Variants in HIVEP1 observed in about 807,000 individuals in gnomAD.
The protein encoded by HIVEP1 is zinc finger protein 40.
Under a neutral mutation model 180.0 loss-of-function variants are expected in HIVEP1, and 36 were observed. The observed-to-expected ratio is 0.20, with a 90% CI of 0.15 to 0.26. HIVEP1 has a LOEUF of 0.26. Among genes scored for constraint, HIVEP1 ranks in the 10% least tolerant of loss-of-function variants. The pLI is 1.00. For missense variants in HIVEP1, 3,143 were observed against 3,268.7 expected, an observed-to-expected ratio of 0.96 and a Z score of 0.94; for synonymous variants, 1,239 against 1,239.0, an observed-to-expected ratio of 1.00 and a Z score of 0.00.
At chr6:12,200,396 A>G in the HIVEP1 span, among the ~76,000 whole-genome samples, 1 of 152,250 alleles carries the variant, frequency 6.6e-6, no homozygotes, top group South Asian at 2.1e-4. Flanking sequence ...CCTGCTCTGC[A>G]GGCGCAGTTA....
In HIVEP1 at chr6:12,164,115, C is replaced by A; in HGVS notation, c.7811C>A (p.Pro2604His). The A allele has an allele frequency of 6.2e-7, 1 of 1,614,180 alleles. No individual in the cohort carries two copies. The highest frequency in any genetic ancestry group is 8.5e-7 in the Non-Finnish European group (1 of 1,180,028). ...VSRTESPQGL[P>H]TVQRENAKKV... ...AGGACCGAGTCTCCTCAGGGGTTACCTACAGTCCAGCGGGAAAATGCAAAA... is the reference window on the plus strand; with the variant it reads ...AGGACCGAGTCTCCTCAGGGGTTACATACAGTCCAGCGGGAAAATGCAAAA... The change falls in exon 9 of 9, where the codon CCT becomes CAT. Residue 2604 changes from proline to histidine, a missense_variant. Physicochemically the swap from Pro to His is moderately conservative, Grantham distance 77 (BLOSUM62 -2). Coordinates refer to ENST00000379388, the MANE Select transcript of HIVEP1 (RefSeq NM_002114.4).
intron 3 of HIVEP1, among the ~76,000 whole-genome samples, chr6:12,094,376 C>T (rs183167303): frequency 6.6e-6 from 1 of 151,988 alleles, no homozygotes; most frequent in African/African-American, 2.4e-5. Context: ...AAATTGGTAT[C>T]TTAGACTTGC....
the HIVEP1 span, among the ~76,000 whole-genome samples, chr6:12,181,975 T>C: frequency 6.6e-6 from 1 of 152,230 alleles, no homozygotes; most frequent in African/African-American, 2.4e-5. Context: ...ATATGGAAAC[T>C]ATGGAATACC....
At chr6:12,143,386 C>G (rs897270746) in intron 7 of HIVEP1, among the ~76,000 whole-genome samples, 12 of 152,124 alleles carry the variant, frequency 7.9e-5, no homozygotes, top group Non-Finnish European at 1.3e-4. Flanking sequence ...GAACGTATCT[C>G]AAAATAATAA....
chr6:12,130,304 A>T (rs1043347015), intron 5 of HIVEP1, among the ~76,000 whole-genome samples: 1 of 152,260 alleles, frequency 6.6e-6, no homozygotes, highest in Admixed American at 6.5e-5. Context: ...TTCAGTACTT[A>T]AAATTATTGT....
At chr6:12,013,799 C>G (rs558874159) in intron 1 of HIVEP1, among the ~76,000 whole-genome samples, 1 of 143,704 alleles carries the variant, frequency 7.0e-6, no homozygotes, top group Non-Finnish European at 1.5e-5. Flanking sequence ...TAGCACAATG[C>G]TAGATGAAAT....
At chr6:12,081,876 C>T (rs970197380) in intron 2 of HIVEP1, among the ~76,000 whole-genome samples, 8 of 152,244 alleles carry the variant, frequency 5.3e-5, no homozygotes, top group Non-Finnish European at 1.2e-4. Context: ...CCTCAGCCCA[C>T]TTCCCTCCAG....
At chr6:12,166,817 A>G (rs187675446), downstream of HIVEP1, among the ~76,000 whole-genome samples, 48 of 152,312 alleles carry the variant, frequency 3.2e-4, no homozygotes, top group East Asian at 7.1e-3. Flanking sequence ...GTGCAATGAC[A>G]TAGTAAGATA....
intron 7 of HIVEP1, among the ~76,000 whole-genome samples, chr6:12,144,666 C>G (rs956648776): frequency 6.6e-6 from 1 of 152,088 alleles, no homozygotes; most frequent in Non-Finnish European, 1.5e-5. Flanking sequence ...ATAACTCAAA[C>G]AAGTTTACAA....
intron 2 of HIVEP1, among the ~76,000 whole-genome samples, chr6:12,064,309 A>T (rs1039465262): frequency 2.0e-5 from 3 of 152,176 alleles, no homozygotes; most frequent in Admixed American, 2.0e-4. Context: ...GTGTTACAAC[A>T]GTCAGGGAAA....
chr6:12,086,278 A>G (rs193098815), intron 2 of HIVEP1, among the ~76,000 whole-genome samples: 1 of 152,260 alleles, frequency 6.6e-6, no homozygotes, highest in Admixed American at 6.5e-5. Context: ...TAAAAATTGA[A>G]TGAATTAAGA....
At chr6:12,144,664 A>G (rs1759257027) in intron 7 of HIVEP1, among the ~76,000 whole-genome samples, 1 of 152,226 alleles carries the variant, frequency 6.6e-6, no homozygotes, top group Non-Finnish European at 1.5e-5. Flanking sequence ...AAATAACTCA[A>G]ACAAGTTTAC....
chr6:12,167,652 T>TATACATGTTATATTACATGTATATATAC (rs1760749797), downstream of HIVEP1, among the ~76,000 whole-genome samples: 1 of 19,214 alleles, frequency 5.2e-5, no homozygotes, highest in Non-Finnish European at 1.0e-4. Context: ...TATACATATA[T>TATACATGTTATATTACATGTATATATAC]ATGTTATATA....
chr6:12,037,390 A>G (rs537471052), intron 2 of HIVEP1, among the ~76,000 whole-genome samples: 7 of 152,332 alleles, frequency 4.6e-5, no homozygotes, highest in African/African-American at 1.7e-4. Context: ...TGTGTTTGCT[A>G]CTGTGGTCAT....
intron 3 of HIVEP1, among the ~76,000 whole-genome samples, chr6:12,111,188 G>T (rs1380175977): frequency 6.6e-6 from 1 of 152,180 alleles, no homozygotes; most frequent in African/African-American, 2.4e-5. Flanking sequence ...TTGAAGTATT[G>T]CAAGAATTAG....
At chr6:12,165,204 C>T (rs1271151924), downstream of HIVEP1, 1 of 475,456 alleles carries the variant, frequency 2.1e-6, no homozygotes, top group East Asian at 5.9e-5. Context: ...TGTGAGAAGT[C>T]ATTTCATAGT....
At chr6:12,014,976 A>G (rs750000949) in intron 1 of HIVEP1, among the ~76,000 whole-genome samples, 3 of 152,228 alleles carry the variant, frequency 2.0e-5, no homozygotes, top group Non-Finnish European at 2.9e-5. Flanking sequence ...TGTGGTAATA[A>G]CTAAATGCTC....
At chr6:12,190,115 A>G in the HIVEP1 span, among the ~76,000 whole-genome samples, 1 of 152,214 alleles carries the variant, frequency 6.6e-6, no homozygotes, top group Non-Finnish European at 1.5e-5. Flanking sequence ...TCCTTTATGC[A>G]GATTTATGCT....
chr6:12,112,122 GAA>G (rs1246048110), intron 3 of HIVEP1, among the ~76,000 whole-genome samples: 1 of 151,936 alleles, frequency 6.6e-6, no homozygotes, highest in Non-Finnish European at 1.5e-5. Flanking sequence ...TTGTTTTTCT[GAA>G]AAAAATCTTG....
Sources: gnomAD v4.1 joint callset for allele counts (sites outside exome capture counted in the v4.1 genomes callset) on GRCh38, gnomAD v4.1.1 for gene constraint, MANE v1.5 for transcripts, NCBI Gene and HGNC (gene_info 2026-07-23, HGNC 2026-07-21) for gene names.